Variants in POLI observed in about 807,000 individuals in gnomAD.
POLI encodes the protein RAD30 homolog B.
POLI carries 58 observed loss-of-function variants against 51.6 expected under a neutral mutation model. That is an observed-to-expected ratio of 1.12 (90% CI 0.91 to 1.40). The LOEUF is 1.40. Ranked by LOEUF, POLI falls within the 40% of genes most tolerant of loss-of-function variation. POLI has a pLI of 0.00. For missense variants in POLI, 921 were observed against 871.3 expected (o/e 1.06, Z -0.72); for synonymous variants, 322 against 299.7 (o/e 1.07, Z -0.77).
At chr18:54,285,033 T>G (rs961057329) in intron 7 of POLI, among the ~76,000 whole-genome samples, 13 of 152,134 alleles carry the variant, frequency 8.5e-5, no homozygotes, top group African/African-American at 3.1e-4. Context: ...GAGAAAATGG[T>G]TTTTGGTTGG....
At chr18:54,306,244 G>A (rs980228825) in intron 3 of POLI, among the ~76,000 whole-genome samples, 1 of 152,138 alleles carries the variant, frequency 6.6e-6, no homozygotes, top group Non-Finnish European at 1.5e-5. Flanking sequence ...TTTGAGATAC[G>A]TGCCATCAAT....
intron 1 of POLI, chr18:54,270,248 A>AC (rs1311561486): frequency 6.3e-6 from 1 of 158,946 alleles, no homozygotes; most frequent in Non-Finnish European, 1.3e-5. Context: ...GCAGCCTCGA[A>AC]CCCCTGGGCT....
At chr18:54,290,716 A>G (rs1055448067) in intron 8 of POLI, among the ~76,000 whole-genome samples, 9 of 152,174 alleles carry the variant, frequency 5.9e-5, no homozygotes, top group African/African-American at 4.8e-5. Flanking sequence ...ATTCTCAGCA[A>G]ACTATCACCA....
At chr18:54,272,740 G>A (rs962816937) in intron 2 of POLI, among the ~76,000 whole-genome samples, 4 of 151,528 alleles carry the variant, frequency 2.6e-5, no homozygotes, top group African/African-American at 9.7e-5. Flanking sequence ...CCAAAGTGCG[G>A]GGACTACAGA....
At chr18:54,289,447 T>C (rs1459069439) in intron 8 of POLI, among the ~76,000 whole-genome samples, 2 of 152,120 alleles carry the variant, frequency 1.3e-5, no homozygotes, top group African/African-American at 4.8e-5. Context: ...AAGCTACCAC[T>C]AACTTTCTTC....
intron 3 of POLI, among the ~76,000 whole-genome samples, chr18:54,303,531 A>T (rs1276373071): frequency 1.3e-5 from 2 of 151,922 alleles, no homozygotes; most frequent in Non-Finnish European, 2.9e-5. Flanking sequence ...ATTTTTCCTC[A>T]TGTGCTCTGT....
chr18:54,306,803 G>T (rs2088593892), intron 3 of POLI, among the ~76,000 whole-genome samples: 1 of 152,130 alleles, frequency 6.6e-6, no homozygotes, highest in African/African-American at 2.4e-5. Context: ...TTAGTCTTGG[G>T]AGGATGTATG....
At chr18:54,298,735 C>T (rs2088438186), downstream of POLI, among the ~76,000 whole-genome samples, 2 of 151,608 alleles carry the variant, frequency 1.3e-5, no homozygotes, top group Admixed American at 1.3e-4. Flanking sequence ...ATTACAGGCA[C>T]CTACCACCAC....
chr18:54,282,269 A>G (rs955968434), intron 5 of POLI, among the ~76,000 whole-genome samples: 6 of 152,176 alleles, frequency 3.9e-5, no homozygotes, highest in Admixed American at 6.5e-5. Context: ...TTAGTAAGAC[A>G]GCATTTATTG....
chr18:54,290,916 T>G (rs1020211300), intron 8 of POLI, among the ~76,000 whole-genome samples: 1 of 152,174 alleles, frequency 6.6e-6, no homozygotes, highest in Non-Finnish European at 1.5e-5. Flanking sequence ...ACACGGTACA[T>G]GTATACCTAT....
chr18:54,315,611 T>A (rs2144651645), intron 3 of POLI, among the ~76,000 whole-genome samples: 1 of 152,232 alleles, frequency 6.6e-6, no homozygotes, highest in African/African-American at 2.4e-5. Flanking sequence ...GGTCTAGAAG[T>A]AGTTGTTTTA....
chr18:54,305,969 A>G (rs1326393287), intron 3 of POLI, among the ~76,000 whole-genome samples: 1 of 152,140 alleles, frequency 6.6e-6, no homozygotes, highest in African/African-American at 2.4e-5. Flanking sequence ...TGTGTTACTC[A>G]GGATGGTTTC....
rs1170713998 is a variant in POLI at position 54,294,818 on chromosome 18, T to A, written c.*351T>A. Reference sequence around the variant, plus strand: ...GCAATGATATGGTAAAGGACACATTTTTTTTTTTTTTTTCCTGTGAAATGT... The same window carrying A: ...GCAATGATATGGTAAAGGACACATTATTTTTTTTTTTTTCCTGTGAAATGT... On this transcript the variant is annotated 3_prime_UTR_variant, in exon 10 of 10. Coordinates refer to ENST00000579534, the MANE Select transcript of POLI (RefSeq NM_007195.3). 2.1e-6 allele frequency: 1 copy of A among 484,428 alleles called. No homozygotes were observed. The highest frequency in any genetic ancestry group is 2.4e-6 in the Non-Finnish European group (1 of 419,140). 30.0% of individuals were successfully genotyped at this position (484,428 alleles called of 1,614,324 possible).
Position 54,295,455 on chromosome 18 carries a change from A to G in POLI, c.*988A>G. The stretch of plus-strand genomic sequence containing the variant: ...TTATATAATTTGCAAGACATAGAGG[A>G]TGTTTATAGAATATACTAAAGTATC... On this transcript the variant is annotated 3_prime_UTR_variant, in exon 10 of 10. Transcript: ENST00000579534. The G allele has an allele frequency of 1.0e-6, 1 of 971,288 alleles. No individual in the cohort carries two copies. The highest frequency in any genetic ancestry group is 1.2e-6 in the Non-Finnish European group (1 of 817,062). The allele number at this position is 971,288 out of a possible 1,614,324, so 60.2% of individuals were successfully genotyped here.
At chr18:54,299,308 G>A (rs949151129), downstream of POLI, among the ~76,000 whole-genome samples, 16 of 152,172 alleles carry the variant, frequency 1.1e-4, no homozygotes, top group Admixed American at 2.6e-4. Context: ...GGTGGTGCAC[G>A]CCTGTAGTCC....
intron 9 of POLI, among the ~76,000 whole-genome samples, chr18:54,292,533 A>G (rs1038228856): frequency 5.3e-5 from 8 of 152,122 alleles, no homozygotes; most frequent in Non-Finnish European, 1.0e-4. Context: ...ACAGTGTGGC[A>G]ATAGAAAGGC....
At chr18:54,279,468 C>G (rs766210428) in intron 4 of POLI, among the ~76,000 whole-genome samples, 2 of 152,038 alleles carry the variant, frequency 1.3e-5, no homozygotes, top group Non-Finnish European at 2.9e-5. Context: ...GTCTTGAACT[C>G]CTAATCTCAG....
At chr18:54,281,568 T>C (rs1324218033) in intron 5 of POLI, among the ~76,000 whole-genome samples, 3 of 152,146 alleles carry the variant, frequency 2.0e-5, no homozygotes, top group African/African-American at 7.2e-5. Flanking sequence ...GATACTTGCG[T>C]GATTCCAAAA....
In POLI at chr18:54,269,642, G is replaced by GGCGGCAGCCAGCTCGCAGGGTGC. The variant is rs1425439136; in HGVS notation, c.99_115+6dup. On this transcript the variant is annotated frameshift_variant, in exon 1 of 10. Transcript: ENST00000579534. LOFTEE classifies it high-confidence loss of function. ...GGGCCATGGAACTGGCGGACGTGGG[G>GGCGGCAGCCAGCTCGCAGGGTGC]GCGGCAGCCAGCTCGCAGGGTGCGC... 6 of 1,508,740 alleles carry GGCGGCAGCCAGCTCGCAGGGTGC rather than the reference G, an allele frequency of 4.0e-6. No individual in the cohort carries two copies. In the South Asian group the frequency reaches 4.9e-5, roughly 12 times the overall value. 93.5% of individuals were successfully genotyped at this position (1,508,740 alleles called of 1,614,324 possible). A position where few individuals can be genotyped will look rare whatever the true frequency, so the allele number is the denominator to read the frequency against.
Sources: allele counts gnomAD v4.1 joint callset (sites outside exome capture counted in the v4.1 genomes callset), GRCh38; gene constraint gnomAD v4.1.1; transcripts MANE v1.5; gene names NCBI Gene and HGNC (gene_info 2026-07-23, HGNC 2026-07-21).